PTPRK: variants seen among roughly 807,000 people sequenced by gnomAD.
The protein encoded by PTPRK is protein tyrosine phosphatase receptor type K.
Under a neutral mutation model 178.0 loss-of-function variants are expected in PTPRK, and 75 were observed. That is an observed-to-expected ratio of 0.42 (90% CI 0.35 to 0.51). PTPRK has a LOEUF of 0.51. Among genes scored for constraint, PTPRK ranks in the 20% least tolerant of loss-of-function variants. The pLI is 0.02. For synonymous variants in PTPRK, 637 were observed against 620.6 expected (o/e 1.03, Z -0.39); for missense variants, 1,441 against 1,797.8 (o/e 0.80, Z 3.59).
chr6:128,232,803 G>T (rs1280346991), intron 5 of PTPRK, among the ~76,000 whole-genome samples: 1 of 152,186 alleles, frequency 6.6e-6, no homozygotes, highest in African/African-American at 2.4e-5. Context: ...TATTTCAGAA[G>T]TGTGTCAGCC....
chr6:128,435,078 AAGGAAGG>A (rs1845369150), intron 1 of PTPRK, among the ~76,000 whole-genome samples: 1 of 99,648 alleles, frequency 1.0e-5, no homozygotes, highest in Admixed American at 9.1e-5. Flanking sequence ...GGAAGGAAGG[AAGGAAGG>A]AAGGAAGGAA....
intron 11 of PTPRK, among the ~76,000 whole-genome samples, chr6:128,070,222 C>G (rs973311336): frequency 6.6e-6 from 1 of 151,982 alleles, no homozygotes; most frequent in African/African-American, 2.4e-5. Context: ...GAAACTGAGG[C>G]AGAAGAATAG....
chr6:128,328,093 G>A (rs995027161), intron 2 of PTPRK, among the ~76,000 whole-genome samples: 6 of 152,296 alleles, frequency 3.9e-5, no homozygotes, highest in East Asian at 3.9e-4. Flanking sequence ...ACACAGCTCC[G>A]TCCACTGTGC....
At chr6:128,362,107 C>A (rs1834852029) in intron 2 of PTPRK, among the ~76,000 whole-genome samples, 2 of 152,140 alleles carry the variant, frequency 1.3e-5, no homozygotes, top group African/African-American at 4.8e-5. Context: ...AACTGGTTCA[C>A]AGTTCTGCAA....
chr6:128,399,152 C>T (rs553054586), intron 1 of PTPRK, among the ~76,000 whole-genome samples: 1 of 152,208 alleles, frequency 6.6e-6, no homozygotes, highest in African/African-American at 2.4e-5. Flanking sequence ...GACCAAGCAA[C>T]AGACTAAGGA....
chr6:128,241,290 T>C (rs772798152), intron 4 of PTPRK: 1 of 533,386 alleles, frequency 1.9e-6, no homozygotes, highest in Non-Finnish European at 3.8e-6. Context: ...CAGTTCTCAA[T>C]TTACGAACTC....
At chr6:128,517,949 A>G (rs375057820) in intron 1 of PTPRK, among the ~76,000 whole-genome samples, 1 of 152,352 alleles carries the variant, frequency 6.6e-6, no homozygotes, top group East Asian at 1.9e-4. Flanking sequence ...CCAATCTTCA[A>G]TACATCTCTA....
intron 3 of PTPRK, among the ~76,000 whole-genome samples, chr6:128,264,340 G>A (rs890985949): frequency 6.6e-6 from 1 of 152,106 alleles, no homozygotes; most frequent in African/African-American, 2.4e-5. Context: ...AATACATGCA[G>A]TTCTGTTACT....
At chr6:128,268,161 T>C (rs1819244822) in intron 3 of PTPRK, among the ~76,000 whole-genome samples, 1 of 152,028 alleles carries the variant, frequency 6.6e-6, no homozygotes, top group African/African-American at 2.4e-5. Flanking sequence ...GTCAAATGAA[T>C]AGATACATTT....
At chr6:128,439,737 T>C (rs1375026759) in intron 1 of PTPRK, among the ~76,000 whole-genome samples, 2 of 152,198 alleles carry the variant, frequency 1.3e-5, no homozygotes, top group African/African-American at 4.8e-5. Flanking sequence ...TGCAAATAGA[T>C]AGACTTCTAA....
intron 6 of PTPRK, among the ~76,000 whole-genome samples, chr6:128,204,796 G>C (rs1006761439): frequency 5.3e-5 from 8 of 152,100 alleles, no homozygotes; most frequent in Admixed American, 2.0e-4. Flanking sequence ...TGGAGAAAAA[G>C]GAATGCTTAT....
At chr6:127,990,623 C>T (rs1425580453) in intron 21 of PTPRK, 146 bp downstream of exon 21, 1 of 613,284 alleles carries the variant, frequency 1.6e-6, no homozygotes, top group Non-Finnish European at 2.9e-6. Context: ...ATGTCTGGCA[C>T]ATAGTAAACT....
chr6:128,024,294 C>T (rs1403621953), intron 13 of PTPRK, among the ~76,000 whole-genome samples: 1 of 152,098 alleles, frequency 6.6e-6, no homozygotes, highest in African/African-American at 2.4e-5. Flanking sequence ...GGCACATGGC[C>T]ACAACTACTT....
intron 1 of PTPRK, among the ~76,000 whole-genome samples, chr6:128,494,201 T>TAAAAAAAAAAAAAA (rs11301155): frequency 1.8e-4 from 20 of 112,938 alleles, no homozygotes; most frequent in Non-Finnish European, 3.5e-4. Context: ...CCCTGTATCT[T>TAAAAAAAAAAAAAA]AAAAAAAAAA....
chr6:128,080,042 A>C (rs1431898558), intron 10 of PTPRK, among the ~76,000 whole-genome samples: 2 of 147,806 alleles, frequency 1.4e-5, no homozygotes, highest in East Asian at 4.1e-4. Flanking sequence ...CACTTTTTTC[A>C]TTAGTATTGG....
chr6:127,970,521 T>A (rs1177716587), intron 29 of PTPRK, among the ~76,000 whole-genome samples: 2 of 152,110 alleles, frequency 1.3e-5, no homozygotes, highest in African/African-American at 4.8e-5. Flanking sequence ...TTTCTATCAA[T>A]TTTTTAAATA....
At chr6:128,371,864 A>C (rs1836342426) in intron 2 of PTPRK, among the ~76,000 whole-genome samples, 1 of 151,820 alleles carries the variant, frequency 6.6e-6, no homozygotes, top group Non-Finnish European at 1.5e-5. Context: ...TGACAGAGTA[A>C]GACCTTGTCT....
At position 127,969,965 on chromosome 6, in the gene PTPRK, C is replaced by A; in HGVS notation, c.*262G>T. ...CATGTTCACTGTACAAACACCAATACGTTCTCATTTCAATCTGGTTCTTAT... is the reference window on the plus strand; with the variant it reads ...CATGTTCACTGTACAAACACCAATAAGTTCTCATTTCAATCTGGTTCTTAT... On this transcript the variant is annotated 3_prime_UTR_variant, in exon 30 of 30. Transcript: ENST00000368226. 2.9e-6 allele frequency: 1 copy of A among 346,116 alleles called. No homozygotes were observed. The highest frequency in any genetic ancestry group is 4.8e-5 in the Admixed American group (1 of 21,042). 21.4% of individuals were successfully genotyped at this position (346,116 alleles called of 1,614,324 possible).
chr6:128,478,793 A>T (rs1367855469), intron 1 of PTPRK, among the ~76,000 whole-genome samples: 2 of 152,288 alleles, frequency 1.3e-5, no homozygotes, highest in African/African-American at 4.8e-5. Flanking sequence ...ATTTACAGGC[A>T]AATAAAGAAG....
Sources: allele counts gnomAD v4.1 joint callset (sites outside exome capture counted in the v4.1 genomes callset), GRCh38; gene constraint gnomAD v4.1.1; transcripts MANE v1.5; gene names NCBI Gene and HGNC (gene_info 2026-07-23, HGNC 2026-07-21).